The following LRMDA variants were observed in gnomAD, a reference collection of about 807,000 sequenced individuals.
The protein encoded by LRMDA is leucine rich melanocyte differentiation associated, also known as leucine-rich melanocyte differentiation-associated protein.
In LRMDA, 18 loss-of-function variants were observed where a neutral mutation model predicts 29.8. The observed-to-expected ratio is 0.60, with a 90% confidence interval of 0.42 to 0.90. The LOEUF (loss-of-function observed/expected upper bound fraction) is 0.90, where lower values mean the gene tolerates loss of function less well. Among genes scored for constraint, LRMDA ranks in the 40% least tolerant of loss-of-function variants. The pLI is 0.00. For synonymous variants in LRMDA, 125 were observed against 109.4 expected, an observed-to-expected ratio of 1.14 and a Z score of -0.89; for missense variants, 273 against 273.9, an observed-to-expected ratio of 1.00 and a Z score of 0.02.
At chr10:75,961,366 G>T (rs186243864) in intron 2 of LRMDA, among the ~76,000 whole-genome samples, 1 of 152,204 alleles carries the variant, frequency 6.6e-6, no homozygotes, top group African/African-American at 2.4e-5. Context: ...TCGTAGCAAG[G>T]TGTTGTTTTG....
intron 2 of LRMDA, among the ~76,000 whole-genome samples, chr10:76,033,566 A>T (rs1339648338): frequency 6.6e-6 from 1 of 152,100 alleles, no homozygotes; most frequent in Non-Finnish European, 1.5e-5. Flanking sequence ...ACTCTTGGAA[A>T]GGAGCTTTCT....
chr10:75,694,071 A>C (rs1050077929), intron 2 of LRMDA, among the ~76,000 whole-genome samples: 9 of 152,218 alleles, frequency 5.9e-5, no homozygotes, highest in Non-Finnish European at 1.3e-4. Context: ...AGAGGAAAAA[A>C]ATGTTTGACA....
chr10:76,138,351 C>T (rs1850135147), intron 5 of LRMDA, among the ~76,000 whole-genome samples: 1 of 152,054 alleles, frequency 6.6e-6, no homozygotes, highest in African/African-American at 2.4e-5. Context: ...TGAATTTTGC[C>T]CATTTTGTAG....
chr10:75,830,897 G>A (rs1171703602), intron 2 of LRMDA, among the ~76,000 whole-genome samples: 1 of 152,166 alleles, frequency 6.6e-6, no homozygotes, highest in East Asian at 1.9e-4. Context: ...CCACCTATGA[G>A]CCTGTAAAAT....
At chr10:75,736,070 A>T (rs1842758715) in intron 2 of LRMDA, among the ~76,000 whole-genome samples, 2 of 152,214 alleles carry the variant, frequency 1.3e-5, no homozygotes, top group Admixed American at 1.3e-4. Context: ...CTCCTCGTTT[A>T]GTAAATGACG....
intron 2 of LRMDA, among the ~76,000 whole-genome samples, chr10:75,990,876 C>G (rs1490477625): frequency 6.6e-6 from 1 of 152,086 alleles, no homozygotes; most frequent in Non-Finnish European, 1.5e-5. Context: ...GAAGGGAAGC[C>G]TTGTGGAGGC....
intron 5 of LRMDA, among the ~76,000 whole-genome samples, chr10:76,077,390 A>G (rs948413102): frequency 6.6e-6 from 1 of 152,212 alleles, no homozygotes; most frequent in East Asian, 1.9e-4. Context: ...GAAAATGACA[A>G]TGAATTCAGC....
chr10:76,107,016 C>G (rs987569602), intron 5 of LRMDA, among the ~76,000 whole-genome samples: 1 of 152,198 alleles, frequency 6.6e-6, no homozygotes, highest in African/African-American at 2.4e-5. Flanking sequence ...CCAGACGCAA[C>G]GAGAGCTTCA....
chr10:76,147,014 C>A (rs1256156230), intron 5 of LRMDA, among the ~76,000 whole-genome samples: 1 of 152,184 alleles, frequency 6.6e-6, no homozygotes, highest in Non-Finnish European at 1.5e-5. Flanking sequence ...ATATTGGTCC[C>A]CACTCTCTTC....
chr10:75,878,809 G>A (rs1845244390), intron 2 of LRMDA, among the ~76,000 whole-genome samples: 2 of 152,108 alleles, frequency 1.3e-5, no homozygotes, highest in East Asian at 1.9e-4. Context: ...AGGGCCCCAG[G>A]TGTTCTCCTG....
intron 6 of LRMDA, among the ~76,000 whole-genome samples, chr10:76,542,546 G>C (rs1843369676): frequency 6.6e-6 from 1 of 152,160 alleles, no homozygotes; most frequent in African/African-American, 2.4e-5. Flanking sequence ...ATGGATGTCT[G>C]CGTTCAGTGA....
intron 2 of LRMDA, among the ~76,000 whole-genome samples, chr10:75,739,991 A>G (rs1284973455): frequency 6.6e-6 from 1 of 152,220 alleles, no homozygotes; most frequent in Non-Finnish European, 1.5e-5. Flanking sequence ...TTGTTGAAAC[A>G]TGTCTCAATG....
intron 2 of LRMDA, among the ~76,000 whole-genome samples, chr10:75,824,151 C>A (rs900065670): frequency 7.9e-5 from 12 of 151,966 alleles, no homozygotes; most frequent in Non-Finnish European, 1.8e-4. Flanking sequence ...AAGTTAATTT[C>A]AAAAAATATT....
Position 76,365,083 on chromosome 10 carries a change from CACATATATATAT to C in LRMDA, c.601+40600_601+40611del, listed in dbSNP as rs1841373948. ...CATCGTATATATATACACACACACA[CACATATATATAT>C]ATATATATATATACACACACACACA... is the stretch of plus-strand genomic sequence containing the variant. On this transcript the variant is annotated intron_variant, in intron 6 of 6. Transcript: ENST00000611255. Among the ~76,000 whole-genome samples, 4 of 50,948 alleles carry C rather than the reference CACATATATATAT, an allele frequency of 7.9e-5. 1 individual carries two copies. The South Asian group carries it at 2.1e-3, about 27-fold the overall frequency. The allele number at this position is 50,948 out of a possible 152,430, so 33.4% of individuals were successfully genotyped here. A position where few individuals can be genotyped will look rare whatever the true frequency, so the allele number is the denominator to read the frequency against.
chr10:76,420,186 C>T (rs1321788953), intron 6 of LRMDA, among the ~76,000 whole-genome samples: 1 of 151,830 alleles, frequency 6.6e-6, no homozygotes, highest in East Asian at 1.9e-4. Flanking sequence ...ACTGTCTAGG[C>T]CTGGAGTTTT....
chr10:75,828,828 T>A (rs945638782), intron 2 of LRMDA, among the ~76,000 whole-genome samples: 3 of 152,210 alleles, frequency 2.0e-5, no homozygotes, highest in Admixed American at 6.5e-5. Flanking sequence ...GGTGTTGTCC[T>A]CTTGAATCTC....
In LRMDA at chr10:75,589,827, T is replaced by G. The variant is rs147879703; in HGVS notation, c.131+151333T>G. On this transcript the variant is annotated intron_variant, in intron 2 of 6. Coordinates refer to ENST00000611255, the MANE Select transcript of LRMDA (RefSeq NM_001305581.2). Reference sequence around the variant, plus strand: ...GCTCTTTGTGTATATATGTGTATTTTTTGGTGTGTGTTTAATTTTGTTTGT... The same window carrying G: ...GCTCTTTGTGTATATATGTGTATTTGTTGGTGTGTGTTTAATTTTGTTTGT... Among the ~76,000 whole-genome samples the G allele has an allele frequency of 6.4e-3, 966 of 151,882 alleles. 13 individuals are homozygous for G. Among genetic ancestry groups the G allele is most frequent in the African/African-American group, 0.022 (900 of 41,444 alleles).
intron 2 of LRMDA, among the ~76,000 whole-genome samples, chr10:75,643,670 G>T (rs1841480814): frequency 6.6e-6 from 1 of 152,180 alleles, no homozygotes; most frequent in Non-Finnish European, 1.5e-5. Flanking sequence ...AGAAAAATGA[G>T]TTGGGGCTGG....
chr10:75,552,637 G>T, intron 2 of LRMDA: 4 of 404,882 alleles, frequency 9.9e-6, no homozygotes, highest in South Asian at 3.6e-5. Context: ...TGGAAAATTC[G>T]TAGCTATTAT....
Sources: gnomAD v4.1 joint callset for allele counts (sites outside exome capture counted in the v4.1 genomes callset) on GRCh38, gnomAD v4.1.1 for gene constraint, MANE v1.5 for transcripts, NCBI Gene and HGNC (gene_info 2026-07-23, HGNC 2026-07-21) for gene names.